SYNE1: variants seen among roughly 807,000 people sequenced by gnomAD.
The protein encoded by SYNE1 is spectrin repeat containing nuclear envelope protein 1.
Under a neutral mutation model 1,111.0 loss-of-function variants are expected in SYNE1, and 616 were observed. That is an observed-to-expected ratio of 0.55 (90% CI 0.52 to 0.59). The LOEUF (loss-of-function observed/expected upper bound fraction) is 0.59, where lower values mean the gene tolerates loss of function less well. Among genes scored for constraint, SYNE1 ranks in the 20% least tolerant of loss-of-function variants. The pLI is 0.00. For synonymous variants in SYNE1, 3,855 were observed against 3,825.8 expected, an observed-to-expected ratio of 1.01 and a Z score of -0.28; for missense variants, 10,006 against 10,417.0, an observed-to-expected ratio of 0.96 and a Z score of 1.72.
At chr6:152,139,591 G>A (rs1337262781) in intron 140 of SYNE1, among the ~76,000 whole-genome samples, 1 of 135,600 alleles carries the variant, frequency 7.4e-6, no homozygotes, top group Non-Finnish European at 1.6e-5. Context: ...AAGAAAGGAA[G>A]GAAGGAAGGG....
At chr6:152,491,027 C>T (rs757332977) in intron 11 of SYNE1, among the ~76,000 whole-genome samples, 3 of 152,218 alleles carry the variant, frequency 2.0e-5, no homozygotes, top group Non-Finnish European at 2.9e-5. Context: ...GCGTGGGTCA[C>T]GGACTTGGGA....
chr6:152,309,279 A>G (rs764486647), intron 90 of SYNE1, among the ~76,000 whole-genome samples: 1 of 152,250 alleles, frequency 6.6e-6, no homozygotes, highest in Non-Finnish European at 1.5e-5. Flanking sequence ...TAGTGATTTT[A>G]GTGAGATGCT....
chr6:152,235,862 C>T (rs1295717189), intron 110 of SYNE1, among the ~76,000 whole-genome samples: 1 of 152,114 alleles, frequency 6.6e-6, no homozygotes, highest in Non-Finnish European at 1.5e-5. Flanking sequence ...CCACTTCAGC[C>T]TCTCCAATAG....
At chr6:152,594,713 T>C (rs2099576021) in intron 3 of SYNE1, among the ~76,000 whole-genome samples, 1 of 152,180 alleles carries the variant, frequency 6.6e-6, no homozygotes, top group African/African-American at 2.4e-5. Context: ...CCAACTCTCT[T>C]GTACAAAAAA....
intron 124 of SYNE1, 61 bp from the exon 125 acceptor site, chr6:152,208,267 C>T (rs958981079): frequency 4.4e-5 from 64 of 1,465,460 alleles, no homozygotes; most frequent in South Asian, 1.5e-4. Flanking sequence ...GTTACGCAAT[C>T]AGCCAATGTA....
chr6:152,462,968 A>G (rs1226893999), intron 19 of SYNE1, 78 bp from the exon 20 acceptor site: 10 of 1,526,602 alleles, frequency 6.6e-6, no homozygotes, highest in Middle Eastern at 1.7e-4. Flanking sequence ...TCACTTTCAC[A>G]TATTCGCTGG....
At chr6:152,419,868 C>A in intron 39 of SYNE1, 146 bp from the exon 40 acceptor site, 1 of 812,760 alleles carries the variant, frequency 1.2e-6, no homozygotes, top group Non-Finnish European at 2.0e-6. Flanking sequence ...TTTTACTTCC[C>A]AAACCCTGCT....
rs1260539748 is a variant in SYNE1, at chr6:152,401,213, T to C, written c.6954A>G (p.Thr2318=). 7 of 1,614,180 alleles carry C rather than the reference T, an allele frequency of 4.3e-6. No homozygotes were observed. The highest frequency in any genetic ancestry group is 2.5e-6 in the Non-Finnish European group (3 of 1,180,022). Residue 2318 remains threonine, a synonymous_variant, in exon 47 of 146, where the codon ACA becomes ACG. Coordinates refer to ENST00000367255, the MANE Select transcript of SYNE1 (RefSeq NM_182961.4). ...QVEKFINDIT[T]WFTKVEESLM... ...ACGATTCTTCCACTTTTGTGAACCA[T>C]GTTGTTATGTCATTAATAAACTTCT...
intron 142 of SYNE1, 72 bp downstream of exon 142, chr6:152,135,032 T>C (rs1228527706): frequency 4.4e-6 from 7 of 1,597,662 alleles, no homozygotes; most frequent in East Asian, 2.2e-5. Flanking sequence ...TTACCACTTA[T>C]ATTCATTTTC....
intron 87 of SYNE1, among the ~76,000 whole-genome samples, chr6:152,314,257 C>G (rs1022651745): frequency 2.6e-5 from 4 of 152,204 alleles, no homozygotes; most frequent in African/African-American, 9.7e-5. Flanking sequence ...AAATTCCCAA[C>G]AGACTTTTAG....
In SYNE1 at chr6:152,614,286, G is replaced by GA. The variant is rs962905802; in HGVS notation, c.67+13978dup. Among the ~76,000 whole-genome samples, 7 of 151,864 alleles carry GA rather than the reference G, an allele frequency of 4.6e-5. No homozygotes were observed. The South Asian group carries it at 1.5e-3, about 32-fold the overall frequency. The stretch of plus-strand genomic sequence containing the variant: ...ATCTACAAAGAACTCAAATTTACAA[G>GA]AAAAAAACAAACAACCCCATCAAAA... On this transcript the variant is annotated intron_variant, in intron 3 of 145. Coordinates refer to ENST00000367255, the MANE Select transcript of SYNE1 (RefSeq NM_182961.4).
At chr6:152,584,937 G>A (rs906375567) in intron 3 of SYNE1, among the ~76,000 whole-genome samples, 1 of 152,172 alleles carries the variant, frequency 6.6e-6, no homozygotes, top group Non-Finnish European at 1.5e-5. Context: ...GGAAACATAA[G>A]ATGTTTTTAG....
intron 96 of SYNE1, among the ~76,000 whole-genome samples, chr6:152,283,142 T>A (rs1417066559): frequency 6.6e-6 from 1 of 151,990 alleles, no homozygotes; most frequent in Non-Finnish European, 1.5e-5. Context: ...AGAGAACAAA[T>A]AAAAAAGGAA....
Position 152,442,225 on chromosome 6 carries a change from T to G in SYNE1, c.3858A>C (p.Ser1286=). Residue 1286 remains serine (S), a synonymous_variant, in exon 31 of 146, where the codon TCA becomes TCC. Coordinates refer to ENST00000367255, the MANE Select transcript of SYNE1 (RefSeq NM_182961.4). ...LHHQQKTKRI[S]AKKRDVQQQI... is the part of the protein sequence containing the mutation. ...GCTGCTGCACATCTCTCTTCTTTGC[T>G]GAGATCCGCTTTGTCTTTTGCTAGA... 1 of 1,613,322 alleles carries G rather than the reference T, an allele frequency of 6.2e-7. No individual in the cohort carries two copies. The highest frequency in any genetic ancestry group is 8.5e-7 in the Non-Finnish European group (1 of 1,180,044).
chr6:152,467,435 C>A (rs1460585728), intron 16 of SYNE1, among the ~76,000 whole-genome samples: 1 of 151,886 alleles, frequency 6.6e-6, no homozygotes, highest in East Asian at 1.9e-4. Context: ...CAAGATACTG[C>A]GTAAGAAATT....
rs145852368 is a variant in SYNE1, at chr6:152,510,192, C to G, written c.581+1G>C. The stretch of plus-strand genomic sequence containing the variant: ...AATTTAGACAAACTCTTGATACTTA[C>G]TTGCCAGCTGTGTACTGAACCCACT... On this transcript the variant is annotated splice_donor_variant, in intron 8 of 145. Coordinates refer to ENST00000367255, the MANE Select transcript of SYNE1 (RefSeq NM_182961.4). LOFTEE classifies it high-confidence loss of function. 1 of 1,613,752 alleles carries G rather than the reference C, an allele frequency of 6.2e-7. No homozygotes were observed. The highest frequency in any genetic ancestry group is 8.5e-7 in the Non-Finnish European group (1 of 1,179,874).
At chr6:152,339,120 T>A (rs913417744) in intron 75 of SYNE1, 121 bp downstream of exon 75, 12 of 1,330,240 alleles carry the variant, frequency 9.0e-6, no homozygotes, top group Non-Finnish European at 1.0e-5. Context: ...ATAATGGCTG[T>A]AGAACCATTA....
At chr6:152,139,579 AAAAG>A (rs1477071754) in intron 140 of SYNE1, among the ~76,000 whole-genome samples, 1 of 149,102 alleles carries the variant, frequency 6.7e-6, no homozygotes, top group Non-Finnish European at 1.5e-5. Flanking sequence ...AAAAAAAAAA[AAAAG>A]AAAGGAAGGA....
chr6:152,286,129 C>T (rs2094314671), intron 95 of SYNE1, among the ~76,000 whole-genome samples: 1 of 152,146 alleles, frequency 6.6e-6, no homozygotes, highest in African/African-American at 2.4e-5. Context: ...TATCAAATAT[C>T]ATCATGACAA....
Sources: gnomAD v4.1 joint callset for allele counts (sites outside exome capture counted in the v4.1 genomes callset) on GRCh38, gnomAD v4.1.1 for gene constraint, MANE v1.5 for transcripts, NCBI Gene and HGNC (gene_info 2026-07-23, HGNC 2026-07-21) for gene names.